SNX9: variants seen among roughly 807,000 people sequenced by gnomAD.
SNX9 encodes sorting nexin-9.
Under a neutral mutation model 89.4 loss-of-function variants are expected in SNX9, and 44 were observed. That is an observed-to-expected ratio of 0.49 (90% CI 0.39 to 0.63). SNX9 has a LOEUF of 0.63. Ranked by LOEUF, SNX9 falls within the 30% of genes least tolerant of loss-of-function variation. SNX9 has a pLI of 0.00. For missense variants in SNX9, 578 were observed against 736.1 expected (o/e 0.79, Z 2.49); for synonymous variants, 236 against 247.8 (o/e 0.95, Z 0.45).
In SNX9 at chr6:157,942,899, C is replaced by A. The variant is rs1784072340; in HGVS notation, c.*61C>A. 3 of 1,498,460 alleles carry A rather than the reference C, an allele frequency of 2.0e-6. No individual in the cohort carries two copies. Among genetic ancestry groups the A allele is most frequent in the South Asian group, 1.3e-5 (1 of 77,944 alleles). 92.8% of individuals were successfully genotyped at this position (1,498,460 alleles called of 1,614,324 possible). On this transcript the variant is annotated 3_prime_UTR_variant, in exon 18 of 18. Transcript: ENST00000392185. ...TCTCCTGACTTGGGGCAATGCAATT[C>A]AAAACTTTTTTTCCCCTATTATTCA... is the stretch of plus-strand genomic sequence containing the variant.
chr6:157,903,200 A>G (rs1282567901), intron 6 of SNX9, among the ~76,000 whole-genome samples: 4 of 151,680 alleles, frequency 2.6e-5, no homozygotes, highest in South Asian at 2.1e-4. Context: ...CTTTTTCCCA[A>G]TATTCCAATT....
intron 10 of SNX9, among the ~76,000 whole-genome samples, chr6:157,924,839 A>T (rs925672216): frequency 1.3e-5 from 2 of 152,222 alleles, no homozygotes; most frequent in African/African-American, 4.8e-5. Context: ...GGGGTTTATT[A>T]TACTTTTCTT....
intron 12 of SNX9, 76 bp downstream of exon 12, chr6:157,928,778 G>A: frequency 8.7e-7 from 1 of 1,145,616 alleles, no homozygotes; most frequent in Non-Finnish European, 1.2e-6. Flanking sequence ...TATCATAGAG[G>A]GGAACCTGCT....
chr6:157,836,164 G>A (rs1162312197), intron 1 of SNX9, among the ~76,000 whole-genome samples: 1 of 151,972 alleles, frequency 6.6e-6, no homozygotes, highest in African/African-American at 2.4e-5. Flanking sequence ...TGCCCAGGCT[G>A]ATCTTGAACT....
chr6:157,908,420 G>T (rs1255548931), intron 7 of SNX9, among the ~76,000 whole-genome samples: 2 of 152,138 alleles, frequency 1.3e-5, no homozygotes, highest in African/African-American at 2.4e-5. Flanking sequence ...AAGCCAAGAA[G>T]ATAGATAACA....
At chr6:157,865,153 A>C (rs751291520) in intron 1 of SNX9, among the ~76,000 whole-genome samples, 4 of 152,016 alleles carry the variant, frequency 2.6e-5, no homozygotes, top group Non-Finnish European at 4.4e-5. Flanking sequence ...AGCCTGACCA[A>C]CATGGTGAAA....
At chr6:157,916,945 CCTT>C (rs1397933941) in intron 9 of SNX9, among the ~76,000 whole-genome samples, 1 of 152,078 alleles carries the variant, frequency 6.6e-6, no homozygotes, top group Non-Finnish European at 1.5e-5. Flanking sequence ...ACTATTCCCT[CCTT>C]GTTTATATTC....
At chr6:157,895,332 G>A (rs1355844130) in intron 4 of SNX9, among the ~76,000 whole-genome samples, 1 of 152,176 alleles carries the variant, frequency 6.6e-6, no homozygotes, top group African/African-American at 2.4e-5. Context: ...ATCAGAGTTA[G>A]GAGGGGTCTG....
At position 157,943,373 on chromosome 6, in the gene SNX9, T is replaced by C. The variant is rs1784082531; in HGVS notation, c.*535T>C. 6.6e-6 allele frequency: 1 copy of C among 152,324 alleles called. No homozygotes were observed. Among genetic ancestry groups the C allele is most frequent in the Non-Finnish European group, 1.5e-5 (1 of 68,102 alleles). The allele number at this position is 152,324 out of a possible 1,614,324, so 9.4% of individuals were successfully genotyped here. ...GTCGTTACGCCTTTCACTGCCACAGTTACAGCTCAAGTGCTTACACTTCAA... is the reference window on the plus strand; with the variant it reads ...GTCGTTACGCCTTTCACTGCCACAGCTACAGCTCAAGTGCTTACACTTCAA... On this transcript the variant is annotated 3_prime_UTR_variant, in exon 18 of 18. Coordinates refer to ENST00000392185, the MANE Select transcript of SNX9 (RefSeq NM_016224.5).
intron 9 of SNX9, among the ~76,000 whole-genome samples, chr6:157,911,112 CAAATAAATAAATAAAT>C (rs3838669): frequency 3.3e-5 from 5 of 150,502 alleles, no homozygotes; most frequent in African/African-American, 9.9e-5. Flanking sequence ...GACTCTGTCT[CAAATAAATAAATAAAT>C]AAATAAATAA....
At chr6:157,928,120 G>T (rs1018433297) in intron 11 of SNX9, among the ~76,000 whole-genome samples, 7 of 152,050 alleles carry the variant, frequency 4.6e-5, no homozygotes, top group Non-Finnish European at 8.8e-5. Context: ...ACAGTATATT[G>T]TGATCTTTTC....
At chr6:157,927,803 T>C (rs1207443882) in intron 11 of SNX9, among the ~76,000 whole-genome samples, 1 of 138,818 alleles carries the variant, frequency 7.2e-6, no homozygotes, top group Non-Finnish European at 1.5e-5. Flanking sequence ...CTCCGCTCAC[T>C]GCAAGCTCCG....
intron 10 of SNX9, among the ~76,000 whole-genome samples, chr6:157,925,385 A>C (rs1046852637): frequency 3.9e-5 from 6 of 152,012 alleles, no homozygotes; most frequent in African/African-American, 1.5e-4. Context: ...GGGATTCATA[A>C]CGTGTTGGGG....
intron 1 of SNX9, among the ~76,000 whole-genome samples, chr6:157,865,353 A>AC (rs577976059): frequency 5.3e-5 from 8 of 151,802 alleles, no homozygotes; most frequent in African/African-American, 1.7e-4. Context: ...AAAAAAAAAA[A>AC]AAAAAACACC....
In SNX9 at chr6:157,867,470, G is replaced by GT. The variant is rs992018612; in HGVS notation, c.13-76dup. On this transcript the variant is annotated intron_variant, in intron 1 of 17. Coordinates refer to ENST00000392185, the MANE Select transcript of SNX9 (RefSeq NM_016224.5). Reference sequence around the variant, plus strand: ...ATGTTTGTACCAGCATGCTTAGAAAGTGAACTGTACACCTTTTGTGTTTTT... The same window carrying GT: ...ATGTTTGTACCAGCATGCTTAGAAAGTTGAACTGTACACCTTTTGTGTTTTT... 9 of 1,118,262 alleles carry GT rather than the reference G, an allele frequency of 8.0e-6. No individual in the cohort carries two copies. In the African/African-American group the frequency reaches 1.4e-4, roughly 17 times the overall value. The allele number at this position is 1,118,262 out of a possible 1,614,324, so 69.3% of individuals were successfully genotyped here.
At chr6:157,869,754 A>G (rs1183265662) in intron 2 of SNX9, among the ~76,000 whole-genome samples, 2 of 152,028 alleles carry the variant, frequency 1.3e-5, no homozygotes, top group African/African-American at 4.8e-5. Flanking sequence ...CATGGGCCCC[A>G]TCAGACCTCG....
intron 1 of SNX9, among the ~76,000 whole-genome samples, chr6:157,853,435 G>GT (rs1422638957): frequency 2.6e-5 from 4 of 151,878 alleles, no homozygotes; most frequent in Non-Finnish European, 4.4e-5. Context: ...TTTCTTTGTG[G>GT]TTTTTTTCCT....
chr6:157,909,628 T>C lies in SNX9; in HGVS notation c.706-37T>C, dbSNP rs1372673584. On this transcript the variant is annotated intron_variant, in intron 7 of 17. Transcript: ENST00000392185. ...ATCAATTGTATTTATTATTTTTCCA[T>C]GTAACAAAATTACTTCTTTCTGGAA... 5 of 1,606,380 alleles carry C rather than the reference T, an allele frequency of 3.1e-6. No homozygotes were observed. The South Asian group carries it at 3.4e-5, about 11-fold the overall frequency.
intron 10 of SNX9, among the ~76,000 whole-genome samples, chr6:157,925,268 C>CTCTCATGACCT (rs1394842017): frequency 6.0e-5 from 9 of 150,964 alleles, no homozygotes; most frequent in African/African-American, 2.2e-4. Flanking sequence ...ATCTCATTAG[C>CTCTCATGACCT]AATCAATAAA....
Sources: allele counts gnomAD v4.1 joint callset (sites outside exome capture counted in the v4.1 genomes callset), GRCh38; gene constraint gnomAD v4.1.1; transcripts MANE v1.5; gene names NCBI Gene and HGNC (gene_info 2026-07-23, HGNC 2026-07-21).